MYRIP: variants seen among roughly 807,000 people sequenced by gnomAD.
MYRIP encodes rab effector MyRIP.
Under a neutral mutation model 98.0 loss-of-function variants are expected in MYRIP, and 49 were observed. The ratio of observed to expected loss-of-function variants is 0.50; its 90% CI spans 0.40 to 0.63. The LOEUF is 0.63. Among genes scored for constraint, MYRIP ranks in the 30% least tolerant of loss-of-function variants. The pLI, the probability that MYRIP is intolerant of heterozygous loss-of-function variation, is 0.00. For synonymous variants in MYRIP, 404 were observed against 409.5 expected, an observed-to-expected ratio of 0.99 and a Z score of 0.16; for missense variants, 1,004 against 1,058.2, an observed-to-expected ratio of 0.95 and a Z score of 0.71.
chr3:40,167,089 T>C, intron 6 of MYRIP, 70 bp from the exon 7 acceptor site: 2 of 1,514,010 alleles, frequency 1.3e-6, no homozygotes, highest in East Asian at 2.3e-5. Flanking sequence ...GTCAGGACTC[T>C]CCTGGCAAAG....
intron 10 of MYRIP, among the ~76,000 whole-genome samples, chr3:40,192,004 C>CT (rs1455718479): frequency 6.6e-6 from 1 of 152,064 alleles, no homozygotes; most frequent in Non-Finnish European, 1.5e-5. Flanking sequence ...GGCACTGCCT[C>CT]TGCCTCCTGG....
At chr3:40,030,579 A>T (rs1301320139) in intron 2 of MYRIP, among the ~76,000 whole-genome samples, 1 of 152,184 alleles carries the variant, frequency 6.6e-6, no homozygotes, top group Non-Finnish European at 1.5e-5. Flanking sequence ...AACAATGTAA[A>T]TGTTTATGGT....
intron 2 of MYRIP, among the ~76,000 whole-genome samples, chr3:40,016,311 T>C (rs940927982): frequency 6.6e-6 from 1 of 152,172 alleles, no homozygotes; most frequent in Non-Finnish European, 1.5e-5. Flanking sequence ...ACCCCTTCAC[T>C]GCCAGGTATG....
chr3:40,213,756 C>A (rs1394091357), intron 11 of MYRIP, among the ~76,000 whole-genome samples: 1 of 152,146 alleles, frequency 6.6e-6, no homozygotes, highest in Non-Finnish European at 1.5e-5. Flanking sequence ...ACCTGAGGAC[C>A]TTCTCTGAGT....
intron 16 of MYRIP, among the ~76,000 whole-genome samples, chr3:40,253,587 C>G (rs1183016239): frequency 5.9e-5 from 9 of 152,174 alleles, no homozygotes; most frequent in Non-Finnish European, 1.2e-4. Flanking sequence ...ACAACCTAAA[C>G]TAAGATCGCA....
At chr3:40,132,717 G>A (rs1949672599) in intron 3 of MYRIP, among the ~76,000 whole-genome samples, 1 of 152,248 alleles carries the variant, frequency 6.6e-6, no homozygotes, top group Admixed American at 6.5e-5. Context: ...GCCACCCAGA[G>A]GGTTGCCCCT....
intron 12 of MYRIP, among the ~76,000 whole-genome samples, chr3:40,235,393 G>A (rs1188416198): frequency 6.6e-6 from 1 of 151,590 alleles, no homozygotes; most frequent in East Asian, 2.0e-4. Flanking sequence ...GTTCTTATTA[G>A]TATTTGAAAG....
intron 1 of MYRIP, among the ~76,000 whole-genome samples, chr3:39,870,162 T>C (rs1478924380): frequency 6.6e-6 from 1 of 152,168 alleles, no homozygotes; most frequent in South Asian, 2.1e-4. Context: ...GGCCTAATAC[T>C]GCAAGCCAGG....
intron 1 of MYRIP, among the ~76,000 whole-genome samples, chr3:39,875,822 T>C (rs1942973738): frequency 6.6e-6 from 1 of 151,872 alleles, no homozygotes; most frequent in Non-Finnish European, 1.5e-5. Context: ...ATTCTGTTGA[T>C]TTGGGGTGGA....
intron 1 of MYRIP, among the ~76,000 whole-genome samples, chr3:39,866,321 C>A (rs182824229): frequency 6.6e-6 from 1 of 152,008 alleles, no homozygotes; most frequent in East Asian, 1.9e-4. Flanking sequence ...ACATATATAC[C>A]CCTGAACCTA....
At chr3:40,225,849 G>C (rs552298782) in intron 11 of MYRIP, among the ~76,000 whole-genome samples, 1 of 152,236 alleles carries the variant, frequency 6.6e-6, no homozygotes, top group South Asian at 2.1e-4. Flanking sequence ...TATGCAACTT[G>C]AACTGCTAAA....
At chr3:40,034,426 A>C (rs1316058450) in intron 2 of MYRIP, among the ~76,000 whole-genome samples, 1 of 152,136 alleles carries the variant, frequency 6.6e-6, no homozygotes, top group African/African-American at 2.4e-5. Context: ...ATGAACAGAC[A>C]CTTCTCAAAA....
intron 2 of MYRIP, among the ~76,000 whole-genome samples, chr3:40,036,760 C>A (rs577100185): frequency 6.6e-6 from 1 of 152,212 alleles, no homozygotes; most frequent in South Asian, 2.1e-4. Flanking sequence ...ATTCTCAGGG[C>A]AGGCCCTAGT....
intron 1 of MYRIP, among the ~76,000 whole-genome samples, chr3:39,870,707 CG>C (rs1336909564): frequency 1.3e-5 from 2 of 152,118 alleles, no homozygotes; most frequent in East Asian, 3.9e-4. Context: ...ACTGTTTTCA[CG>C]CCCTTTCTCT....
chr3:40,035,411 G>T (rs1947357337), intron 2 of MYRIP, among the ~76,000 whole-genome samples: 1 of 151,876 alleles, frequency 6.6e-6, no homozygotes, highest in East Asian at 1.9e-4. Context: ...TGAATGATTT[G>T]CACTGAAAAG....
Position 39,835,478 on chromosome 3 carries a change from T to C in MYRIP, c.-31+25562T>C, listed in dbSNP as rs142879734. Among the ~76,000 whole-genome samples, 8 of 152,308 alleles carry C rather than the reference T, an allele frequency of 5.3e-5. No individual in the cohort carries two copies. In the East Asian group the frequency reaches 1.5e-3, roughly 29 times the overall value. On this transcript the variant is annotated intron_variant, in intron 1 of 16. Coordinates refer to ENST00000302541, the MANE Select transcript of MYRIP (RefSeq NM_015460.4). ...AAAGTGAAACATACCACAAATATTT[T>C]ATTAACTATTTAAAATTAAAATCTG...
At chr3:39,816,032 A>C (rs1357661136) in intron 1 of MYRIP, among the ~76,000 whole-genome samples, 2 of 151,454 alleles carry the variant, frequency 1.3e-5, no homozygotes, top group African/African-American at 4.8e-5. Flanking sequence ...TTATATTTCC[A>C]AATGTAAAAT....
At chr3:40,122,519 G>A (rs1949425829) in intron 3 of MYRIP, among the ~76,000 whole-genome samples, 1 of 151,414 alleles carries the variant, frequency 6.6e-6, no homozygotes, top group Non-Finnish European at 1.5e-5. Flanking sequence ...ATCTTATTTT[G>A]TCGTACTTTT....
chr3:40,192,375 A>G (rs1000033379), intron 10 of MYRIP, among the ~76,000 whole-genome samples: 1 of 100,694 alleles, frequency 9.9e-6, no homozygotes, highest in African/African-American at 4.1e-5. Flanking sequence ...TAAGTTATTT[A>G]CTTTTTAATT....
Sources: gnomAD v4.1 joint callset for allele counts (sites outside exome capture counted in the v4.1 genomes callset) on GRCh38, gnomAD v4.1.1 for gene constraint, MANE v1.5 for transcripts, NCBI Gene and HGNC (gene_info 2026-07-23, HGNC 2026-07-21) for gene names.